PDRG1: variants seen among roughly 807,000 people sequenced by gnomAD.
The protein encoded by PDRG1 is p53 and DNA damage-regulated protein 1.
A neutral mutation model predicts 18.4 loss-of-function variants in PDRG1; 14 were observed. That is an observed-to-expected ratio of 0.76 (90% CI 0.50 to 1.19). The LOEUF (loss-of-function observed/expected upper bound fraction) is 1.19, where lower values mean the gene tolerates loss of function less well. Ranked by LOEUF, PDRG1 falls within the 50% of genes most tolerant of loss-of-function variation. The probability of loss-of-function intolerance (pLI) is 0.00; values close to 1 mark genes in which losing one functional copy is unlikely to be tolerated. For missense variants in PDRG1, 177 were observed against 160.1 expected, an observed-to-expected ratio of 1.11 and a Z score of -0.57; for synonymous variants, 65 against 60.9, an observed-to-expected ratio of 1.07 and a Z score of -0.31.
rs1347141938 is a variant in PDRG1 at position 31,951,858 on chromosome 20, G to A, written c.87+17C>T. On this transcript the variant is annotated intron_variant, in intron 1 of 4. Coordinates refer to ENST00000202017, the MANE Select transcript of PDRG1 (RefSeq NM_030815.3). The stretch of plus-strand genomic sequence containing the variant: ...GCGCCGGCCGCCAGGCCCCAGCGCC[G>A]CGGAGGGGCCTCTCACCTGCCGCTT... 1 of 1,557,966 alleles carries A rather than the reference G, an allele frequency of 6.4e-7. No individual in the cohort carries two copies. Among genetic ancestry groups the A allele is most frequent in the Non-Finnish European group, 8.7e-7 (1 of 1,154,834 alleles).
At chr20:31,949,141 CCTTA>C (rs1044751135) in intron 2 of PDRG1, among the ~76,000 whole-genome samples, 1 of 151,790 alleles carries the variant, frequency 6.6e-6, no homozygotes, top group African/African-American at 2.4e-5. Context: ...TCTGAGAAGG[CCTTA>C]CTGATTATAT....
At chr20:31,948,935 T>C (rs2064335148) in intron 2 of PDRG1, 53 bp from the exon 3 acceptor site, 3 of 1,529,812 alleles carry the variant, frequency 2.0e-6, no homozygotes, top group South Asian at 2.3e-5. Flanking sequence ...GTACCTATTA[T>C]CTGCCAGGCA....
chr20:31,951,756 C>A lies in PDRG1; in HGVS notation c.87+119G>T. On this transcript the variant is annotated intron_variant, in intron 1 of 4. Coordinates refer to ENST00000202017, the MANE Select transcript of PDRG1 (RefSeq NM_030815.3). ...CACTTAGTAGCGGCCGAATATTTATCGGCCCAGGTCTGTCGCCTCGGAGCC... is the reference window on the plus strand; with the variant it reads ...CACTTAGTAGCGGCCGAATATTTATAGGCCCAGGTCTGTCGCCTCGGAGCC... The A allele has an allele frequency of 2.8e-6, 3 of 1,054,750 alleles. No individual in the cohort carries two copies. In the South Asian group the frequency reaches 5.3e-5, roughly 19 times the overall value. 65.3% of individuals were successfully genotyped at this position (1,054,750 alleles called of 1,614,324 possible).
intron 4 of PDRG1, 89 bp downstream of exon 4, chr20:31,946,407 C>G: frequency 7.9e-7 from 1 of 1,272,998 alleles, no homozygotes; most frequent in Non-Finnish European, 1.1e-6. Flanking sequence ...CTGCCCATCT[C>G]TGAGGGTCGG....
rs376125389 is a variant in PDRG1 at position 31,951,984 on chromosome 20, G to A, written c.-23C>T. Reference sequence around the variant, plus strand: ...CATAGCGCCCACCAACTCCGCTTGCGGCTCTCGCGCGACCCCGGGATCTCC... The same window carrying A: ...CATAGCGCCCACCAACTCCGCTTGCAGCTCTCGCGCGACCCCGGGATCTCC... On this transcript the variant is annotated 5_prime_UTR_variant, in exon 1 of 5. Transcript: ENST00000202017. 2.0e-6 allele frequency: 3 copies of A among 1,529,130 alleles called. No homozygotes were observed. The highest frequency in any genetic ancestry group is 1.4e-5 in the African/African-American group (1 of 70,476). 94.7% of individuals were successfully genotyped at this position (1,529,130 alleles called of 1,614,324 possible).
In PDRG1 at chr20:31,945,933, G is replaced by C. The variant is rs776109358; in HGVS notation, c.320-44C>G. On this transcript the variant is annotated intron_variant, in intron 4 of 4. Transcript: ENST00000202017. ...CATCAGCACGTCGGGCCTCCTGCTGGCTCTGGAGCCAGGCCCAGGAAAGGG... is the reference window on the plus strand; with the variant it reads ...CATCAGCACGTCGGGCCTCCTGCTGCCTCTGGAGCCAGGCCCAGGAAAGGG... The C allele has an allele frequency of 3.9e-6, 6 of 1,534,552 alleles. No homozygotes were observed. In the African/African-American group the frequency reaches 8.2e-5, roughly 21 times the overall value.
chr20:31,946,641 G>A, intron 3 of PDRG1, 65 bp from the exon 4 acceptor site: 1 of 1,423,976 alleles, frequency 7.0e-7, no homozygotes, highest in South Asian at 1.1e-5. Flanking sequence ...CCCAGTAGTG[G>A]AGAGGCCAGC....
In PDRG1 at chr20:31,945,770, T is replaced by TG; in HGVS notation, c.*36dup. ...GAGGGTCCTGGGTCCTCCATGACCC[T>TG]GGGGGGTTGCTGGTCCCCCATCTTG... On this transcript the variant is annotated 3_prime_UTR_variant, in exon 5 of 5. Coordinates refer to ENST00000202017, the MANE Select transcript of PDRG1 (RefSeq NM_030815.3). The TG allele has an allele frequency of 4.5e-6, 7 of 1,558,178 alleles. No individual in the cohort carries two copies. In the African/African-American group the frequency reaches 5.4e-5, roughly 12 times the overall value.
chr20:31,949,316 A>G (rs778985135), intron 2 of PDRG1, among the ~76,000 whole-genome samples: 2 of 152,252 alleles, frequency 1.3e-5, no homozygotes, highest in Non-Finnish European at 2.9e-5. Context: ...TCACGCCTGT[A>G]ATCCCAGCAC....
In PDRG1 at chr20:31,944,358, CTACTT is replaced by C. The variant is rs762266024; in HGVS notation, c.*1444_*1448del. The C allele has an allele frequency of 1.9e-5, 3 of 156,098 alleles. No individual in the cohort carries two copies. Among genetic ancestry groups the C allele is most frequent in the Non-Finnish European group, 2.9e-5 (2 of 70,122 alleles). 9.7% of individuals were successfully genotyped at this position (156,098 alleles called of 1,614,324 possible). On this transcript the variant is annotated 3_prime_UTR_variant, in exon 5 of 5. Transcript: ENST00000202017. ...CTAGCAAGGTGAATTCTGCAACTCC[CTACTT>C]TATTTACATTTTAAAATAAGCAATA...
At position 31,952,007 on chromosome 20, in the gene PDRG1, T is replaced by G. The variant is rs369761456; in HGVS notation, c.-46A>C. The G allele has an allele frequency of 1.8e-3, 2,667 of 1,496,396 alleles. 5 individuals are homozygous for G. The highest frequency in any genetic ancestry group is 2.2e-3 in the Non-Finnish European group (2,503 of 1,126,046). The allele number at this position is 1,496,396 out of a possible 1,614,324, so 92.7% of individuals were successfully genotyped here. A position where few individuals can be genotyped will look rare whatever the true frequency, so the allele number is the denominator to read the frequency against. ...GCGGCTCTCGCGCGACCCCGGGATC[T>G]CCGCTTCGACTCCCGCTGCGCACGC... On this transcript the variant is annotated 5_prime_UTR_variant, in exon 1 of 5. Transcript: ENST00000202017.
chr20:31,948,332 G>A (rs1023806512), intron 3 of PDRG1, among the ~76,000 whole-genome samples: 6 of 152,320 alleles, frequency 3.9e-5, no homozygotes, highest in East Asian at 3.9e-4. Flanking sequence ...TCTATGTGGC[G>A]AAAGCCTTCT....
intron 3 of PDRG1, among the ~76,000 whole-genome samples, chr20:31,947,921 G>C (rs1386923744): frequency 6.6e-6 from 1 of 152,138 alleles, no homozygotes; most frequent in Non-Finnish European, 1.5e-5. Context: ...ATTTCATGAG[G>C]TATGAAGACA....
At position 31,952,033 on chromosome 20, in the gene PDRG1, G is replaced by T. The variant is rs938311803; in HGVS notation, c.-72C>A. ...CCGCTTCGACTCCCGCTGCGCACGC[G>T]CCGCTCTCTAGGTGCTTCCGGCGCG... On this transcript the variant is annotated 5_prime_UTR_variant, in exon 1 of 5. Coordinates refer to ENST00000202017, the MANE Select transcript of PDRG1 (RefSeq NM_030815.3). The T allele has an allele frequency of 1.4e-6, 2 of 1,481,140 alleles. No homozygotes were observed. Among genetic ancestry groups the T allele is most frequent in the East Asian group, 5.4e-5 (2 of 36,968 alleles). The allele number at this position is 1,481,140 out of a possible 1,614,324, so 91.7% of individuals were successfully genotyped here.
rs2064279425 is a variant in PDRG1, at chr20:31,944,384, CAATAT to C, written c.*1418_*1422del. The C allele has an allele frequency of 6.4e-6, 1 of 156,258 alleles. No homozygotes were observed. The highest frequency in any genetic ancestry group is 1.4e-5 in the Non-Finnish European group (1 of 70,304). 9.7% of individuals were successfully genotyped at this position (156,258 alleles called of 1,614,324 possible). A position where few individuals can be genotyped will look rare whatever the true frequency, so the allele number is the denominator to read the frequency against. On this transcript the variant is annotated 3_prime_UTR_variant, in exon 5 of 5. Coordinates refer to ENST00000202017, the MANE Select transcript of PDRG1 (RefSeq NM_030815.3). Reference sequence around the variant, plus strand: ...TACTTTATTTACATTTTAAAATAAGCAATATATTCATACGGTTTAAAATCCAAAGT... The same window carrying C: ...TACTTTATTTACATTTTAAAATAAGCATTCATACGGTTTAAAATCCAAAGT...
At chr20:31,951,835 G>A (rs1264069124) in intron 1 of PDRG1, 40 bp downstream of exon 1, 3 of 1,524,716 alleles carry the variant, frequency 2.0e-6, no homozygotes, top group South Asian at 2.5e-5. Flanking sequence ...TTCCCACGGC[G>A]CCGGCCGCCA....
intron 1 of PDRG1, among the ~76,000 whole-genome samples, chr20:31,951,331 C>T (rs1329668284): frequency 6.6e-6 from 1 of 152,212 alleles, no homozygotes; most frequent in African/African-American, 2.4e-5. Context: ...CACCCATCTC[C>T]CTGCCTCCGC....
Position 31,951,007 on chromosome 20 carries a change from T to C in PDRG1, c.88-620A>G, listed in dbSNP as rs572013013. Among the ~76,000 whole-genome samples the C allele has an allele frequency of 3.3e-4, 51 of 152,360 alleles. 1 individual carries two copies. Among genetic ancestry groups the C allele is most frequent in the African/African-American group, 1.2e-3 (51 of 41,588 alleles). On this transcript the variant is annotated intron_variant, in intron 1 of 4. Transcript: ENST00000202017. Reference sequence around the variant, plus strand: ...CGGACAGTACCTACCTTACAGGTTATTGAGCCAGCAATTAAATGACTTAAC... The same window carrying C: ...CGGACAGTACCTACCTTACAGGTTACTGAGCCAGCAATTAAATGACTTAAC...
At chr20:31,950,826 G>A (rs1182190517) in intron 1 of PDRG1, among the ~76,000 whole-genome samples, 1 of 152,074 alleles carries the variant, frequency 6.6e-6, no homozygotes, top group Non-Finnish European at 1.5e-5. Flanking sequence ...CTGAGACAGT[G>A]GTAACAACAC....
Sources: gnomAD v4.1 joint callset for allele counts (sites outside exome capture counted in the v4.1 genomes callset) on GRCh38, gnomAD v4.1.1 for gene constraint, MANE v1.5 for transcripts, NCBI Gene and HGNC (gene_info 2026-07-23, HGNC 2026-07-21) for gene names.